MYB: variants seen among roughly 807,000 people sequenced by gnomAD.
MYB encodes the protein transcriptional activator Myb.
Under a neutral mutation model 92.9 loss-of-function variants are expected in MYB, and 28 were observed. The ratio of observed to expected loss-of-function variants is 0.30; its 90% CI spans 0.22 to 0.41. MYB has a LOEUF of 0.41. MYB is among the 10% of genes least tolerant of loss of function. The pLI, the probability that MYB is intolerant of heterozygous loss-of-function variation, is 1.00. For missense variants in MYB, 679 were observed against 929.3 expected, an observed-to-expected ratio of 0.73 and a Z score of 3.50; for synonymous variants, 295 against 329.1, an observed-to-expected ratio of 0.90 and a Z score of 1.12.
At chr6:135,195,341 C>CGGTGGTTGTCG in intron 8 of MYB, 1 of 159,428 alleles carries the variant, frequency 6.3e-6, no homozygotes. Context: ...CAAAGCAACT[C>CGGTGGTTGTCG]TAACTCCTGA....
chr6:135,192,952 A>G (rs1338803244), intron 6 of MYB, among the ~76,000 whole-genome samples: 1 of 152,222 alleles, frequency 6.6e-6, no homozygotes, highest in East Asian at 1.9e-4. Flanking sequence ...CAAAACGAAA[A>G]GGGAAGGTAG....
intron 15 of MYB, among the ~76,000 whole-genome samples, chr6:135,215,718 A>G (rs1287322457): frequency 1.3e-5 from 2 of 151,736 alleles, no homozygotes; most frequent in African/African-American, 2.4e-5. Context: ...CTTTCCTGCT[A>G]TCTCGCTCCC....
chr6:135,198,553 T>A (rs1777641778), intron 10 of MYB, among the ~76,000 whole-genome samples: 1 of 152,240 alleles, frequency 6.6e-6, no homozygotes, highest in Non-Finnish European at 1.5e-5. Flanking sequence ...GAAAGGAAAC[T>A]ATTAATTATT....
At chr6:135,189,967 A>G in intron 4 of MYB, 84 bp downstream of exon 4, 6 of 1,471,054 alleles carry the variant, frequency 4.1e-6, no homozygotes, top group Non-Finnish European at 5.6e-6. Flanking sequence ...GGAAGCAGGT[A>G]AAATGGGCAA....
intron 1 of MYB, among the ~76,000 whole-genome samples, chr6:135,184,517 T>C (rs776599432): frequency 6.6e-6 from 1 of 152,010 alleles, no homozygotes; most frequent in Non-Finnish European, 1.5e-5. Context: ...TTGGTGGTGG[T>C]GGTATTTTAA....
Position 135,217,944 on chromosome 6 carries a change from C to T in MYB, c.2250C>T (p.Tyr750=), listed in dbSNP as rs1175584600. 6.2e-6 allele frequency: 10 copies of T among 1,612,656 alleles called. No individual in the cohort carries two copies. Among genetic ancestry groups the T allele is most frequent in the African/African-American group, 1.3e-5 (1 of 74,838 alleles). Residue 750 remains tyrosine, a synonymous_variant, in exon 16 of 16, where the codon TAC becomes TAT. Transcript: ENST00000341911. ...QMTSSSQARK[Y]VNAFSARTLV... is the part of the protein sequence containing the mutation. ...CATCTTCCAGTCAAGCTCGTAAATA[C>T]GTGAATGCATTCTCAGCCCGGACGC...
chr6:135,195,070 A>G, intron 8 of MYB: 5 of 1,307,826 alleles, frequency 3.8e-6, no homozygotes, highest in Non-Finnish European at 5.0e-6. Context: ...AATAAAAGAG[A>G]AGTGATGCCC....
At chr6:135,206,502 C>A (rs955641923) in intron 15 of MYB, among the ~76,000 whole-genome samples, 1 of 151,798 alleles carries the variant, frequency 6.6e-6, no homozygotes. Context: ...TTGAGACCAA[C>A]CTGGCCAACA....
intron 2 of MYB, 130 bp downstream of exon 2, chr6:135,186,150 G>T (rs1775879637): frequency 2.9e-6 from 2 of 691,660 alleles, no homozygotes; most frequent in Non-Finnish European, 2.5e-6. Flanking sequence ...TAGCCCGCAT[G>T]TGCAGCGTGC....
At chr6:135,201,570 T>C in intron 13 of MYB, 69 bp from the exon 14 acceptor site, 1 of 1,027,996 alleles carries the variant, frequency 9.7e-7, no homozygotes, top group Admixed American at 2.2e-5. Flanking sequence ...TGGCCAGAAA[T>C]ATACTCCTGA....
At chr6:135,194,910 C>A (rs1429935233) in intron 8 of MYB, 1 of 1,286,946 alleles carries the variant, frequency 7.8e-7, no homozygotes, top group South Asian at 1.3e-5. Flanking sequence ...ATATATAAAA[C>A]CTCTTCATAA....
At chr6:135,200,803 G>C (rs1374760510) in intron 13 of MYB, 1 of 279,028 alleles carries the variant, frequency 3.6e-6, no homozygotes, top group Non-Finnish European at 7.0e-6. Flanking sequence ...GGGAGGCTGG[G>C]CGCGGTGGCT....
chr6:135,194,544 A>G, intron 8 of MYB, 84 bp downstream of exon 8: 1 of 935,484 alleles, frequency 1.1e-6, no homozygotes, highest in Non-Finnish European at 1.7e-6. Context: ...TAAATATTAC[A>G]CTTAGCAAGG....
intron 15 of MYB, among the ~76,000 whole-genome samples, chr6:135,217,198 G>A (rs1247273213): frequency 1.3e-5 from 2 of 152,070 alleles, no homozygotes; most frequent in Non-Finnish European, 2.9e-5. Context: ...GTGAAACCCT[G>A]TCTCTACAGA....
Position 135,203,293 on chromosome 6 carries a change from C to G in MYB, c.2138C>G (p.Pro713Arg). The change falls in exon 15 of 16, where the codon CCT becomes CGT. Residue 713 changes from proline to arginine, a missense_variant. Pro to Arg is a moderately radical substitution (Grantham distance 103). Transcript: ENST00000341911. ...AATGTTCTCAAAGCATTTACAGTAC[C>G]TAAAAACAGGTCCCTGGCGAGCCCC... is the stretch of plus-strand genomic sequence containing the variant. ...EDNVLKAFTV[P>R]KNRSLASPLQ... 1 of 1,608,712 alleles carries G rather than the reference C, an allele frequency of 6.2e-7. No homozygotes were observed. The highest frequency in any genetic ancestry group is 8.5e-7 in the Non-Finnish European group (1 of 1,175,158).
At position 135,190,025 on chromosome 6, in the gene MYB, A is replaced by G; in HGVS notation, c.307-102A>G. The G allele has an allele frequency of 2.0e-6, 3 of 1,469,414 alleles. No individual in the cohort carries two copies. The highest frequency in any genetic ancestry group is 2.3e-5 in the East Asian group (1 of 42,856). 91.0% of individuals were successfully genotyped at this position (1,469,414 alleles called of 1,614,324 possible). A position where few individuals can be genotyped will look rare whatever the true frequency, so the allele number is the denominator to read the frequency against. On this transcript the variant is annotated intron_variant, in intron 4 of 15. Transcript: ENST00000341911. The surrounding 1 kb of genome is among the most constrained non-coding windows in gnomAD (Gnocchi z 4.5). ...CCCATATTTCCAGTGAATGAAAGCA[A>G]ATTTTGGAAATTTTCTAAAGATCTT...
chr6:135,198,704 A>AT (rs1777663147), intron 10 of MYB, among the ~76,000 whole-genome samples: 1 of 152,192 alleles, frequency 6.6e-6, no homozygotes. Context: ...CCTAAATTTT[A>AT]TTTCTTGGAA....
At chr6:135,188,122 A>G (rs1002201316) in intron 3 of MYB, among the ~76,000 whole-genome samples, 2 of 152,204 alleles carry the variant, frequency 1.3e-5, no homozygotes, top group Non-Finnish European at 2.9e-5. Context: ...TTAGATTATC[A>G]AATTTTAAAA....
chr6:135,205,657 G>A (rs1449985644), intron 15 of MYB, among the ~76,000 whole-genome samples: 1 of 152,172 alleles, frequency 6.6e-6, no homozygotes, highest in Non-Finnish European at 1.5e-5. Flanking sequence ...GTATGGTGAA[G>A]GTAATATTTG....
Sources: gnomAD v4.1 joint callset for allele counts (sites outside exome capture counted in the v4.1 genomes callset) on GRCh38, gnomAD v4.1.1 for gene constraint, Gnocchi (gnomAD v3.1) non-coding constraint, MANE v1.5 for transcripts, NCBI Gene and HGNC (gene_info 2026-07-23, HGNC 2026-07-21) for gene names.